RIBC2: variants seen among roughly 807,000 people sequenced by gnomAD.
The protein encoded by RIBC2 is RIB43A domain with coiled-coils 2.
In RIBC2, 40 loss-of-function variants were observed where a neutral mutation model predicts 44.3. The observed-to-expected ratio is 0.90, with a 90% CI of 0.70 to 1.18. RIBC2 has a LOEUF of 1.18. Ranked by LOEUF, RIBC2 falls within the 50% of genes most tolerant of loss-of-function variation. The pLI is 0.00. For synonymous variants in RIBC2, 171 were observed against 175.0 expected, an observed-to-expected ratio of 0.98 and a Z score of 0.18; for missense variants, 459 against 485.5, an observed-to-expected ratio of 0.95 and a Z score of 0.51.
At chr22:45,420,430 T>C (rs1367406908) in intron 3 of RIBC2, among the ~76,000 whole-genome samples, 1 of 152,130 alleles carries the variant, frequency 6.6e-6, no homozygotes, top group South Asian at 2.1e-4. Flanking sequence ...TTTTTCTCCA[T>C]AGCCTTGATC....
intron 4 of RIBC2, among the ~76,000 whole-genome samples, chr22:45,422,856 C>G (rs2087500007): frequency 6.6e-6 from 1 of 152,172 alleles, no homozygotes; most frequent in Admixed American, 6.5e-5. Context: ...AGCTCGAACA[C>G]TGGGGCCTCC....
chr22:45,414,221 T>A, intron 1 of RIBC2, 101 bp from the exon 2 acceptor site: 1 of 1,492,504 alleles, frequency 6.7e-7, no homozygotes, highest in Non-Finnish European at 8.9e-7. Context: ...CTACAACTCG[T>A]TTACAGTGGG....
intron 4 of RIBC2, 174 bp downstream of exon 4, chr22:45,422,582 C>T: frequency 1.6e-6 from 1 of 635,052 alleles, no homozygotes; most frequent in Non-Finnish European, 2.8e-6. Flanking sequence ...TGGATGAGAC[C>T]CAGTCCTGTG....
Position 45,419,097 on chromosome 22 carries a change from C to T in RIBC2, c.556+1151C>T, listed in dbSNP as rs117786136. Among the ~76,000 whole-genome samples, 822 of 152,342 alleles carry T rather than the reference C, an allele frequency of 5.4e-3. 11 individuals carry two copies. The highest frequency in any genetic ancestry group is 8.1e-3 in the South Asian group (39 of 4,830). On this transcript the variant is annotated intron_variant, in intron 3 of 6. Transcript: ENST00000614167. ...ATGTTGTTCACACCAGTGCTCTCCT[C>T]TACCAGCTAAACTCACCCGAGTGAT...
intron 4 of RIBC2, among the ~76,000 whole-genome samples, chr22:45,425,144 C>CAAAA (rs969665205): frequency 1.3e-5 from 2 of 149,742 alleles, no homozygotes; most frequent in African/African-American, 4.9e-5. Context: ...AACAAACAAA[C>CAAAA]AAAAAAAAAC....
intron 3 of RIBC2, among the ~76,000 whole-genome samples, chr22:45,421,408 A>C (rs992045119): frequency 1.4e-5 from 2 of 145,268 alleles, no homozygotes; most frequent in African/African-American, 5.0e-5. Flanking sequence ...TTATACCTCC[A>C]GCCTGGACTC....
chr22:45,421,511 TTATTAA>T (rs1443971397), intron 3 of RIBC2, among the ~76,000 whole-genome samples: 2 of 96,462 alleles, frequency 2.1e-5, no homozygotes, highest in Admixed American at 2.1e-4. Flanking sequence ...AATAATAGTA[TTATTAA>T]TAATAATAAT....
At chr22:45,431,698 G>A (rs187405801) in intron 6 of RIBC2, among the ~76,000 whole-genome samples, 3 of 152,168 alleles carry the variant, frequency 2.0e-5, no homozygotes, top group Non-Finnish European at 2.9e-5. Context: ...GGCTGGGCTC[G>A]GTGGCTCACG....
intron 3 of RIBC2, among the ~76,000 whole-genome samples, chr22:45,418,411 C>T (rs935016125): frequency 4.6e-5 from 7 of 152,078 alleles, no homozygotes; most frequent in African/African-American, 1.7e-4. Context: ...CTCCCCAAGC[C>T]CAGGGAACCT....
rs140039549 is a variant in RIBC2 at position 45,423,141 on chromosome 22, C to G, written c.675+733C>G. Among the ~76,000 whole-genome samples, 816 of 152,078 alleles carry G rather than the reference C, an allele frequency of 5.4e-3. 5 individuals carry two copies. The highest frequency in any genetic ancestry group is 8.0e-3 in the Non-Finnish European group (542 of 68,006). ...GGACTACAGTCACGCGCCACCATGC[C>G]CAGCTAATTTTTGTATTTTTTTGTA... On this transcript the variant is annotated intron_variant, in intron 4 of 6. Transcript: ENST00000614167.
rs145781012 is a variant in RIBC2 at position 45,417,005 on chromosome 22, G to A, written c.212-597G>A. On this transcript the variant is annotated intron_variant, in intron 2 of 6. Transcript: ENST00000614167. ...CAACCTCTGCCTCCTGGGTTCAAGCGATTCTTTTGCCTCAGCCTCCCGAGT... is the reference window on the plus strand; with the variant it reads ...CAACCTCTGCCTCCTGGGTTCAAGCAATTCTTTTGCCTCAGCCTCCCGAGT... 2.5e-3 allele frequency among the ~76,000 whole-genome samples: 372 copies of A among 150,850 alleles called. 8 individuals are homozygous for A. Among genetic ancestry groups the A allele is most frequent in the Admixed American group, 0.018 (267 of 15,096 alleles).
At chr22:45,415,603 GTATATA>G (rs59918831) in intron 2 of RIBC2, among the ~76,000 whole-genome samples, 65,846 of 149,252 alleles carry the variant, frequency 0.44, 15,921 homozygotes, top group African/African-American at 0.65. Flanking sequence ...TTATATATGT[GTATATA>G]TATATATATA....
At chr22:45,421,921 C>G (rs5765341) in intron 3 of RIBC2, among the ~76,000 whole-genome samples, 93,158 of 151,422 alleles carry the variant, frequency 0.62, 30,913 homozygotes, top group African/African-American at 0.87. Context: ...TCTGGATTCC[C>G]CTGAATCCTT....
chr22:45,425,048 G>A (rs2087521581), intron 4 of RIBC2, among the ~76,000 whole-genome samples: 1 of 152,156 alleles, frequency 6.6e-6, no homozygotes. Context: ...TTGAACCTGG[G>A]AGGCAGAGGT....
intron 3 of RIBC2, among the ~76,000 whole-genome samples, chr22:45,421,488 A>AATT (rs200416430): frequency 1.4e-5 from 2 of 139,012 alleles, no homozygotes; most frequent in Non-Finnish European, 3.1e-5. Context: ...ATGTCTAATT[A>AATT]ATTATTATTA....
At chr22:45,424,429 C>T (rs549297425) in intron 4 of RIBC2, among the ~76,000 whole-genome samples, 1 of 152,346 alleles carries the variant, frequency 6.6e-6, no homozygotes, top group Admixed American at 6.5e-5. Flanking sequence ...TTGGGCAGGC[C>T]ACCCACTGCG....
intron 5 of RIBC2, among the ~76,000 whole-genome samples, chr22:45,429,332 G>A (rs766346890): frequency 2.0e-5 from 3 of 152,180 alleles, no homozygotes; most frequent in Non-Finnish European, 4.4e-5. Flanking sequence ...CAGGAGAGCT[G>A]AGCAGCTGGG....
intron 5 of RIBC2, among the ~76,000 whole-genome samples, chr22:45,429,186 G>A (rs761569238): frequency 9.2e-5 from 14 of 152,196 alleles, no homozygotes; most frequent in East Asian, 1.9e-4. Flanking sequence ...CCACAGCATC[G>A]GCCGGGTGGG....
chr22:45,421,532 TTATTAATAA>T (rs1408801003), intron 3 of RIBC2, among the ~76,000 whole-genome samples: 3 of 31,360 alleles, frequency 9.6e-5, no homozygotes, highest in African/African-American at 8.5e-4. Context: ...AATAATAGTA[TTATTAATAA>T]TATTAATAAT....
Sources: gnomAD v4.1 joint callset for allele counts (sites outside exome capture counted in the v4.1 genomes callset) on GRCh38, gnomAD v4.1.1 for gene constraint, MANE v1.5 for transcripts, NCBI Gene and HGNC (gene_info 2026-07-23, HGNC 2026-07-21) for gene names.